KIF16B: variants seen among roughly 807,000 people sequenced by gnomAD.
The protein encoded by KIF16B is kinesin-like protein KIF16B.
A neutral mutation model predicts 156.3 loss-of-function variants in KIF16B; 98 were observed. The ratio of observed to expected loss-of-function variants is 0.63; its 90% confidence interval spans 0.53 to 0.74. KIF16B has a LOEUF of 0.74. Ranked by LOEUF, KIF16B falls within the 30% of genes least tolerant of loss-of-function variation. The probability of loss-of-function intolerance (pLI) is 0.00; values close to 1 mark genes in which losing one functional copy is unlikely to be tolerated. For synonymous variants in KIF16B, 564 were observed against 583.7 expected, an observed-to-expected ratio of 0.97 and a Z score of 0.49; for missense variants, 1,421 against 1,606.5, an observed-to-expected ratio of 0.88 and a Z score of 1.97.
In KIF16B at chr20:16,294,688, G is replaced by A. The variant is rs2063358080; in HGVS notation, c.3795+17647C>T. On this transcript the variant is annotated intron_variant, in intron 25 of 25. Transcript: ENST00000354981. ...GGAGAAAAGCTAACAGACCTGGTGGGGTGCAGACACCCACACCGGAAAAGC... is the reference window on the plus strand; with the variant it reads ...GGAGAAAAGCTAACAGACCTGGTGGAGTGCAGACACCCACACCGGAAAAGC... Among the ~76,000 whole-genome samples the A allele has an allele frequency of 2.6e-5, 4 of 152,144 alleles. No homozygotes were observed. In the South Asian group the frequency reaches 8.3e-4, roughly 32 times the overall value.
chr20:16,286,611 T>C (rs1293587566), intron 25 of KIF16B, among the ~76,000 whole-genome samples: 1 of 152,192 alleles, frequency 6.6e-6, no homozygotes. Context: ...CATATCACAA[T>C]TGAGATTCCT....
intron 12 of KIF16B, among the ~76,000 whole-genome samples, chr20:16,474,130 ATG>A (rs2067740875): frequency 6.6e-6 from 1 of 152,032 alleles, no homozygotes; most frequent in Admixed American, 6.6e-5. Context: ...CTTAACATCT[ATG>A]TGTTTCCATG....
chr20:16,330,516 T>C (rs2063929387), intron 24 of KIF16B, among the ~76,000 whole-genome samples: 1 of 152,200 alleles, frequency 6.6e-6, no homozygotes, highest in African/African-American at 2.4e-5. Flanking sequence ...AAAGAAAGTC[T>C]AACACATGAA....
At chr20:16,509,140 A>G (rs1487022156) in intron 6 of KIF16B, among the ~76,000 whole-genome samples, 4 of 152,228 alleles carry the variant, frequency 2.6e-5, no homozygotes, top group African/African-American at 9.6e-5. Context: ...TTAATACATT[A>G]AAGAACATTC....
At chr20:16,505,640 A>C (rs1381741339) in intron 9 of KIF16B, 82 bp downstream of exon 9, 3 of 1,295,204 alleles carry the variant, frequency 2.3e-6, no homozygotes, top group Non-Finnish European at 3.2e-6. Context: ...GCTATTTCCT[A>C]ATAAGACACT....
At chr20:16,562,569 G>A (rs1009715508) in intron 1 of KIF16B, among the ~76,000 whole-genome samples, 2 of 152,052 alleles carry the variant, frequency 1.3e-5, no homozygotes, top group African/African-American at 4.8e-5. Flanking sequence ...ATGTGTGGAG[G>A]GTGAGTGGAG....
chr20:16,407,802 T>G (rs780042190), intron 15 of KIF16B, among the ~76,000 whole-genome samples: 11 of 152,144 alleles, frequency 7.2e-5, no homozygotes, highest in Admixed American at 7.2e-4. Context: ...TAGATGTATT[T>G]TTTTGTGTTC....
At chr20:16,400,777 C>A (rs570821147) in intron 17 of KIF16B, among the ~76,000 whole-genome samples, 1 of 152,248 alleles carries the variant, frequency 6.6e-6, no homozygotes, top group African/African-American at 2.4e-5. Flanking sequence ...GAGGACACAC[C>A]AGTGATTCTA....
intron 15 of KIF16B, among the ~76,000 whole-genome samples, chr20:16,423,154 A>G (rs984617820): frequency 5.9e-5 from 9 of 152,124 alleles, no homozygotes; most frequent in Non-Finnish European, 1.2e-4. Context: ...TGGCATACCA[A>G]TATGAGGAAG....
At chr20:16,416,545 GA>G (rs201704372) in intron 15 of KIF16B, among the ~76,000 whole-genome samples, 3,220 of 152,124 alleles carry the variant, frequency 0.021, 52 homozygotes, top group Middle Eastern at 0.051. Flanking sequence ...TGGACACAGG[GA>G]GGGGAACACC....
intron 17 of KIF16B, among the ~76,000 whole-genome samples, chr20:16,387,952 G>A (rs2065267763): frequency 6.6e-6 from 1 of 152,192 alleles, no homozygotes; most frequent in Admixed American, 6.5e-5. Flanking sequence ...TCTGAAGGTA[G>A]TACTGTAAAG....
At chr20:16,348,859 A>T (rs2123083733) in intron 23 of KIF16B, among the ~76,000 whole-genome samples, 1 of 152,302 alleles carries the variant, frequency 6.6e-6, no homozygotes, top group Non-Finnish European at 1.5e-5. Context: ...TAAAAAACCA[A>T]ACATGATGGA....
At chr20:16,346,019 T>C (rs2328018) in intron 23 of KIF16B, among the ~76,000 whole-genome samples, 108,551 of 152,140 alleles carry the variant, frequency 0.71, 39,573 homozygotes, top group East Asian at 0.97. Flanking sequence ...AAGAGAGACT[T>C]GGTCAGCAGC....
chr20:16,442,786 G>A (rs1250675992), intron 12 of KIF16B, among the ~76,000 whole-genome samples: 1 of 152,080 alleles, frequency 6.6e-6, no homozygotes, highest in East Asian at 1.9e-4. Flanking sequence ...TTCTTAGCCA[G>A]TTGAGGAGCC....
intron 12 of KIF16B, among the ~76,000 whole-genome samples, chr20:16,459,553 C>A (rs2067292396): frequency 6.6e-6 from 1 of 152,188 alleles, no homozygotes; most frequent in Non-Finnish European, 1.5e-5. Flanking sequence ...TGTAACAGAA[C>A]TCAGTCCAGG....
chr20:16,381,444 C>T lies in KIF16B; in HGVS notation c.1838+250G>A, dbSNP rs117109284. Among the ~76,000 whole-genome samples, 1,584 of 151,252 alleles carry T rather than the reference C, an allele frequency of 0.01. 17 individuals carry two copies. Among genetic ancestry groups the T allele is most frequent in the Non-Finnish European group, 0.017 (1,187 of 67,884 alleles). On this transcript the variant is annotated intron_variant, in intron 18 of 25. Coordinates refer to ENST00000354981, the MANE Select transcript of KIF16B (RefSeq NM_024704.5). ...AATTTAATTGGTGTGTTAAATTTGC[C>T]TACTGACTCTATTTCCCATTTCTCA...
intron 12 of KIF16B, among the ~76,000 whole-genome samples, chr20:16,492,217 G>C (rs909687115): frequency 2.6e-5 from 4 of 152,176 alleles, no homozygotes; most frequent in Admixed American, 6.5e-5. Context: ...AAAGGATACA[G>C]ATACAAACCC....
chr20:16,547,829 G>T (rs1263045984), intron 1 of KIF16B, among the ~76,000 whole-genome samples: 2 of 152,198 alleles, frequency 1.3e-5, no homozygotes, highest in African/African-American at 4.8e-5. Context: ...GCTGCATCTG[G>T]TGCATGTCCG....
intron 17 of KIF16B, among the ~76,000 whole-genome samples, chr20:16,398,498 C>T (rs1055702762): frequency 6.6e-6 from 1 of 152,158 alleles, no homozygotes; most frequent in Non-Finnish European, 1.5e-5. Context: ...CACAAGTCTT[C>T]CCTGTGCCAT....
Sources: gnomAD v4.1 joint callset for allele counts (sites outside exome capture counted in the v4.1 genomes callset) on GRCh38, gnomAD v4.1.1 for gene constraint, MANE v1.5 for transcripts, NCBI Gene and HGNC (gene_info 2026-07-23, HGNC 2026-07-21) for gene names.